Variants in ACAD9 observed in about 807,000 individuals in gnomAD.
ACAD9 encodes the protein acyl-CoA dehydrogenase family member 9, also known as complex I assembly factor ACAD9, mitochondrial.
In ACAD9, 53 loss-of-function variants were observed where a neutral mutation model predicts 70.2. That is an observed-to-expected ratio of 0.75 (90% CI 0.61 to 0.95). The LOEUF (loss-of-function observed/expected upper bound fraction) is 0.95, where lower values mean the gene tolerates loss of function less well. Among genes scored for constraint, ACAD9 ranks in the 40% least tolerant of loss-of-function variants. ACAD9 has a pLI of 0.00. For synonymous variants in ACAD9, 313 were observed against 312.1 expected, an observed-to-expected ratio of 1.00 and a Z score of -0.03; for missense variants, 777 against 802.8, an observed-to-expected ratio of 0.97 and a Z score of 0.39.
At chr3:128,898,536 G>C (rs972005030) in intron 6 of ACAD9, 1 of 380,220 alleles carries the variant, frequency 2.6e-6, no homozygotes, top group East Asian at 8.5e-5. Flanking sequence ...CTCCCAAGCA[G>C]CTGGGAGTAC....
At chr3:128,883,877 A>G (rs1935167618) in intron 1 of ACAD9, among the ~76,000 whole-genome samples, 1 of 152,210 alleles carries the variant, frequency 6.6e-6, no homozygotes, top group African/African-American at 2.4e-5. Context: ...GGTCTCCCCA[A>G]GACTTCTCTA....
At chr3:128,908,604 T>C in intron 13 of ACAD9, 1 of 544,396 alleles carries the variant, frequency 1.8e-6, no homozygotes, top group South Asian at 2.0e-5. Context: ...TAAGCCAGTG[T>C]TTCTCTTCTC....
intron 7 of ACAD9, among the ~76,000 whole-genome samples, chr3:128,900,193 A>G (rs1250168098): frequency 1.3e-5 from 2 of 152,106 alleles, no homozygotes; most frequent in African/African-American, 4.8e-5. Flanking sequence ...CAGCCTCCCA[A>G]AGTGCTAGGA....
intron 12 of ACAD9, among the ~76,000 whole-genome samples, 175 bp from the exon 13 acceptor site, chr3:128,908,010 T>C (rs1048152508): frequency 2.6e-5 from 4 of 152,168 alleles, no homozygotes; most frequent in Non-Finnish European, 5.9e-5. Context: ...ACCTCCCTCC[T>C]CATCCCTGTG....
intron 11 of ACAD9, among the ~76,000 whole-genome samples, chr3:128,905,776 T>C (rs899251682): frequency 3.9e-5 from 6 of 152,256 alleles, no homozygotes; most frequent in Middle Eastern, 3.4e-3. Flanking sequence ...AAGGCACTTA[T>C]AGTGTGCACA....
chr3:128,909,399 C>T lies in ACAD9; in HGVS notation c.1541C>T (p.Thr514Ile). Residue 514 changes from threonine (T) to isoleucine (I), a missense_variant, in exon 15 of 18, where the codon ACA (threonine) becomes ATA (isoleucine). Physicochemically the swap from Thr to Ile is moderately conservative, Grantham distance 89. Coordinates refer to ENST00000308982, the MANE Select transcript of ACAD9 (RefSeq NM_014049.5). ...TACTGCTTCGGCCGGACCGTGGAGA[C>T]ACTGCTGCTCCGCTTTGGCAAGGTA... ...NTYCFGRTVETLLLRFGKTIM... is the reference protein window; with the variant it reads ...NTYCFGRTVEILLLRFGKTIM... 6.2e-7 allele frequency: 1 copy of T among 1,614,178 alleles called. No individual in the cohort carries two copies. Among genetic ancestry groups the T allele is most frequent in the Non-Finnish European group, 8.5e-7 (1 of 1,180,052 alleles).
At chr3:128,895,603 G>A (rs1935548494) in intron 4 of ACAD9, among the ~76,000 whole-genome samples, 187 bp downstream of exon 4, 1 of 152,222 alleles carries the variant, frequency 6.6e-6, no homozygotes, top group Admixed American at 6.5e-5. Flanking sequence ...CACATGCGCA[G>A]TGGCCTTTGG....
chr3:128,897,849 T>C, intron 6 of ACAD9, 139 bp downstream of exon 6: 2 of 817,192 alleles, frequency 2.4e-6, no homozygotes, highest in South Asian at 3.0e-5. Context: ...TATGTGTTTG[T>C]TTTTAATTTT....
chr3:128,908,952 A>G (rs1936009773), intron 13 of ACAD9, 21 bp from the exon 14 acceptor site: 4 of 1,614,004 alleles, frequency 2.5e-6, no homozygotes, highest in Non-Finnish European at 1.7e-6. Context: ...CTCCAGTCAC[A>G]GGACCATGGA....
At chr3:128,887,160 A>G (rs1388053684) in intron 2 of ACAD9, among the ~76,000 whole-genome samples, 1 of 151,966 alleles carries the variant, frequency 6.6e-6, no homozygotes, top group East Asian at 1.9e-4. Context: ...CCTGACCTCA[A>G]ATGATCTGCC....
At position 128,901,283 on chromosome 3, in the gene ACAD9, A is replaced by G; in HGVS notation, c.816A>G (p.Glu272=). 6.2e-7 allele frequency: 1 copy of G among 1,614,094 alleles called. No homozygotes were observed. The highest frequency in any genetic ancestry group is 1.1e-5 in the South Asian group (1 of 91,078). ...AAATTTCATGTGTTTCAGCTTGTGA[A>G]GTCCATTTTGAAAACACCAAGATAC... ...KLGIRGSNTC[E]VHFENTKIPV... Residue 272 remains glutamate (E), a synonymous_variant, in exon 8 of 18, where the codon GAA becomes GAG. Transcript: ENST00000308982.
rs63473460 is a variant in ACAD9, at chr3:128,899,523, G to GGTGTGTGTGTGTGT, written c.808+89_808+102dup. The GGTGTGTGTGTGTGT allele has an allele frequency of 1.6e-3, 1,705 of 1,068,456 alleles. 7 individuals are homozygous for GGTGTGTGTGTGTGT. Among genetic ancestry groups the GGTGTGTGTGTGTGT allele is most frequent in the South Asian group, 9.7e-3 (602 of 62,260 alleles). 66.2% of individuals were successfully genotyped at this position (1,068,456 alleles called of 1,614,324 possible). A position where few individuals can be genotyped will look rare whatever the true frequency, so the allele number is the denominator to read the frequency against. On this transcript the variant is annotated intron_variant, in intron 7 of 17. Transcript: ENST00000308982. Reference sequence around the variant, plus strand: ...TGTAAGGGGGAGACTGGCCTTTGACGGTGTGTGTGTGTGTGTGTGTGTGTG... The same window carrying GGTGTGTGTGTGTGT: ...TGTAAGGGGGAGACTGGCCTTTGACGGTGTGTGTGTGTGTGTGTGTGTGTGTGTGTGTGTGTGTG...
At chr3:128,886,397 G>A (rs1169372616) in intron 2 of ACAD9, among the ~76,000 whole-genome samples, 3 of 145,732 alleles carry the variant, frequency 2.1e-5, no homozygotes, top group Non-Finnish European at 4.5e-5. Flanking sequence ...CACCGCGCCA[G>A]CTAATGAAAA....
In ACAD9 at chr3:128,902,875, G is replaced by C. The variant is rs1316000639; in HGVS notation, c.958+247G>C. Among the ~76,000 whole-genome samples, 3 of 152,180 alleles carry C rather than the reference G, an allele frequency of 2.0e-5. No homozygotes were observed. The highest frequency in any genetic ancestry group is 4.8e-5 in the African/African-American group (2 of 41,438). On this transcript the variant is annotated intron_variant, in intron 9 of 17. Transcript: ENST00000308982. This position sits in a 1 kb window ranked among gnomAD's most constrained non-coding sequence, Gnocchi z 4.0. ...ATGCTGACTGGGGGACAGGCTTTCT[G>C]TCTGGGGTGGGGATGGGGATTGGGG...
At chr3:128,890,935 AG>A (rs1935403387) in intron 2 of ACAD9, among the ~76,000 whole-genome samples, 1 of 149,658 alleles carries the variant, frequency 6.7e-6, no homozygotes, top group Non-Finnish European at 1.5e-5. Context: ...TCTGCCTCCC[AG>A]GTTCAAGCGA....
chr3:128,903,738 G>C (rs953237460), intron 9 of ACAD9, among the ~76,000 whole-genome samples: 5 of 152,260 alleles, frequency 3.3e-5, no homozygotes, highest in Non-Finnish European at 7.3e-5. Context: ...CCACCTGGTT[G>C]CATCTTCACA....
At chr3:128,885,056 C>G (rs1650058584) in intron 2 of ACAD9, among the ~76,000 whole-genome samples, 1 of 152,232 alleles carries the variant, frequency 6.6e-6, no homozygotes, top group African/African-American at 2.4e-5. Context: ...AGGCCACACA[C>G]CATACAAGCC....
chr3:128,895,914 C>A (rs1382479302), intron 4 of ACAD9, among the ~76,000 whole-genome samples: 2 of 152,244 alleles, frequency 1.3e-5, no homozygotes, highest in African/African-American at 2.4e-5. Context: ...TCGGCTCCCC[C>A]ACCCCAGAGA....
chr3:128,881,794 A>T (rs1935103601), intron 1 of ACAD9, among the ~76,000 whole-genome samples: 1 of 152,150 alleles, frequency 6.6e-6, no homozygotes, highest in South Asian at 2.1e-4. Context: ...TCACTGGCTG[A>T]TACTTCTCTG....
Sources: gnomAD v4.1 joint callset for allele counts (sites outside exome capture counted in the v4.1 genomes callset) on GRCh38, gnomAD v4.1.1 for gene constraint, Gnocchi (gnomAD v3.1) non-coding constraint, MANE v1.5 for transcripts, NCBI Gene and HGNC (gene_info 2026-07-23, HGNC 2026-07-21) for gene names.